Variants in MAN1A1 observed in about 807,000 individuals in gnomAD.
MAN1A1 encodes mannosidase alpha class 1A member 1.
Under a neutral mutation model 70.8 loss-of-function variants are expected in MAN1A1, and 29 were observed. That is an observed-to-expected ratio of 0.41 (90% CI 0.31 to 0.56). The LOEUF (loss-of-function observed/expected upper bound fraction) is 0.56, where lower values mean the gene tolerates loss of function less well. Among genes scored for constraint, MAN1A1 ranks in the 20% least tolerant of loss-of-function variants. The pLI is 0.29. For missense variants in MAN1A1, 747 were observed against 841.3 expected (o/e 0.89, Z 1.39); for synonymous variants, 349 against 330.1 (o/e 1.06, Z -0.62).
chr6:119,344,883 C>G (rs975331739), intron 2 of MAN1A1, among the ~76,000 whole-genome samples: 4 of 151,848 alleles, frequency 2.6e-5, no homozygotes, highest in Non-Finnish European at 5.9e-5. Flanking sequence ...GAATAAAATA[C>G]TAAAGTCTTG....
intron 2 of MAN1A1, chr6:119,331,963 C>A (rs780017967): frequency 2.0e-6 from 1 of 510,624 alleles, no homozygotes; most frequent in Admixed American, 2.0e-5. Context: ...AGGAGCTGCT[C>A]GACCCTGGGC....
At chr6:119,273,935 G>A (rs1470090736) in intron 5 of MAN1A1, among the ~76,000 whole-genome samples, 1 of 152,158 alleles carries the variant, frequency 6.6e-6, no homozygotes, top group Non-Finnish European at 1.5e-5. Flanking sequence ...AAAAGTAGTG[G>A]GAATTGCAAC....
chr6:119,343,849 T>C (rs1030447826), intron 2 of MAN1A1, among the ~76,000 whole-genome samples: 2 of 152,208 alleles, frequency 1.3e-5, no homozygotes, highest in Non-Finnish European at 2.9e-5. Context: ...CACAGGTGCT[T>C]GACTGGGTTA....
At chr6:119,349,830 C>T, upstream of MAN1A1, 1 of 873,050 alleles carries the variant, frequency 1.1e-6, no homozygotes, top group Non-Finnish European at 1.4e-6. Flanking sequence ...GACGGCGCGG[C>T]CGGGCCAATC....
intron 6 of MAN1A1, among the ~76,000 whole-genome samples, chr6:119,208,344 T>C (rs913922332): frequency 4.6e-5 from 7 of 152,210 alleles, no homozygotes; most frequent in African/African-American, 1.7e-4. Flanking sequence ...CAGTATTCTA[T>C]AAAGGTAATA....
At position 119,183,376 on chromosome 6, in the gene MAN1A1, C is replaced by T. The variant is rs144325781; in HGVS notation, c.1720-2949G>A. On this transcript the variant is annotated intron_variant, in intron 11 of 12. Transcript: ENST00000368468. ...TGGAGGATGAGCATGAAGAAAGAAA[C>T]TTTCAAGTCCTATTATTTTTTCTTT... Among the ~76,000 whole-genome samples, 804 of 151,440 alleles carry T rather than the reference C, an allele frequency of 5.3e-3. 10 individuals are homozygous for T. Among genetic ancestry groups the T allele is most frequent in the South Asian group, 0.023 (110 of 4,700 alleles).
intron 5 of MAN1A1, among the ~76,000 whole-genome samples, chr6:119,262,077 T>A (rs1775628526): frequency 6.6e-6 from 1 of 152,182 alleles, no homozygotes; most frequent in Non-Finnish European, 1.5e-5. Flanking sequence ...CAGAGTCCCG[T>A]CCTGGGGCCA....
intron 11 of MAN1A1, among the ~76,000 whole-genome samples, chr6:119,184,452 T>C (rs1484603553): frequency 2.0e-5 from 3 of 152,122 alleles, no homozygotes; most frequent in Admixed American, 6.5e-5. Context: ...CTACCAGATA[T>C]ATAAATGGCT....
At position 119,306,942 on chromosome 6, in the gene MAN1A1, A is replaced by G; in HGVS notation, c.654T>C (p.Asn218=). 6.2e-7 allele frequency: 1 copy of G among 1,602,050 alleles called. No homozygotes were observed. Among genetic ancestry groups the G allele is most frequent in the Non-Finnish European group, 8.6e-7 (1 of 1,169,156 alleles). The change falls in exon 3 of 13, where the codon AAT becomes AAC. Residue 218 remains asparagine, a synonymous_variant. Coordinates refer to ENST00000368468, the MANE Select transcript of MAN1A1 (RefSeq NM_005907.4). ...CTCCTTTTGATATAGGTTTGAGTTC[A>G]TTTAATCCCCAGGCATAACCTTTAT... ...NNYKGYAWGL[N]ELKPISKGGH...
At chr6:119,336,470 C>A (rs1273048417) in intron 2 of MAN1A1, among the ~76,000 whole-genome samples, 1 of 152,016 alleles carries the variant, frequency 6.6e-6, no homozygotes, top group Non-Finnish European at 1.5e-5. Context: ...CTGAGTTGGG[C>A]AATACGAGAG....
intron 2 of MAN1A1, among the ~76,000 whole-genome samples, chr6:119,329,916 CCTTAT>C (rs1773262719): frequency 6.6e-6 from 1 of 152,136 alleles, no homozygotes; most frequent in African/African-American, 2.4e-5. Context: ...ACTTCTTAGT[CCTTAT>C]CTTGACTCTC....
At chr6:119,184,946 C>A (rs141115212) in intron 11 of MAN1A1, among the ~76,000 whole-genome samples, 2 of 151,902 alleles carry the variant, frequency 1.3e-5, no homozygotes, top group African/African-American at 2.4e-5. Flanking sequence ...TGGCGTGCAG[C>A]GGTGTGATCT....
chr6:119,258,384 T>C (rs1474568374), intron 5 of MAN1A1, among the ~76,000 whole-genome samples: 1 of 152,220 alleles, frequency 6.6e-6, no homozygotes, highest in African/African-American at 2.4e-5. Context: ...GTTGCATCTG[T>C]ACTGAACACG....
At chr6:119,304,155 T>C (rs1315546876) in intron 3 of MAN1A1, among the ~76,000 whole-genome samples, 2 of 152,172 alleles carry the variant, frequency 1.3e-5, no homozygotes, top group Non-Finnish European at 2.9e-5. Context: ...TAGGAAACTA[T>C]AAATAATAGA....
rs936233696 is a variant in MAN1A1, at chr6:119,349,048, C to A, written c.18G>T (p.Leu6=). ...CCGCGGGGCTGCTGAAGAGCGGCAACAGGCCCCCCACGGGCATCGCTCCCG... is the reference window on the plus strand; with the variant it reads ...CCGCGGGGCTGCTGAAGAGCGGCAAAAGGCCCCCCACGGGCATCGCTCCCG... MPVGG[L]LPLFSSPAGG... Residue 6 remains leucine (L), a synonymous_variant, in exon 2 of 13, where the codon CTG becomes CTT. Transcript: ENST00000368468. 7.5e-6 allele frequency: 10 copies of A among 1,325,218 alleles called. No homozygotes were observed. Among genetic ancestry groups the A allele is most frequent in the Non-Finnish European group, 9.7e-6 (10 of 1,035,140 alleles). The allele number at this position is 1,325,218 out of a possible 1,614,324, so 82.1% of individuals were successfully genotyped here.
At chr6:119,255,883 T>C (rs746555695) in intron 5 of MAN1A1, among the ~76,000 whole-genome samples, 1 of 152,310 alleles carries the variant, frequency 6.6e-6, no homozygotes, top group Admixed American at 6.5e-5. Flanking sequence ...AAAAATTATG[T>C]GTTGTATTTG....
chr6:119,296,507 C>A (rs1274548033), intron 4 of MAN1A1, among the ~76,000 whole-genome samples: 2 of 152,158 alleles, frequency 1.3e-5, no homozygotes, highest in African/African-American at 4.8e-5. Context: ...TTCTCAGGAG[C>A]AACACTAAGG....
chr6:119,251,577 T>C (rs1775318351), intron 5 of MAN1A1, among the ~76,000 whole-genome samples: 2 of 152,206 alleles, frequency 1.3e-5, no homozygotes, highest in African/African-American at 2.4e-5. Context: ...ACTAGTACCA[T>C]ACAATGCAGT....
chr6:119,307,077 TA>T lies in MAN1A1; in HGVS notation c.604-86del, dbSNP rs1489653617. ...AGGTAATATATTGAAGAGCAAAGGC[TA>T]AAACATTAAAATTCATTAGTTAAAA... On this transcript the variant is annotated intron_variant, in intron 2 of 12. Coordinates refer to ENST00000368468, the MANE Select transcript of MAN1A1 (RefSeq NM_005907.4). The T allele has an allele frequency of 1.9e-5, 16 of 842,824 alleles. 1 individual carries two copies. The South Asian group carries it at 2.1e-4, about 11-fold the overall frequency. 52.2% of individuals were successfully genotyped at this position (842,824 alleles called of 1,614,324 possible).
Sources: gnomAD v4.1 joint callset for allele counts (sites outside exome capture counted in the v4.1 genomes callset) on GRCh38, gnomAD v4.1.1 for gene constraint, MANE v1.5 for transcripts, NCBI Gene and HGNC (gene_info 2026-07-23, HGNC 2026-07-21) for gene names.